CBFA2T3: variants seen among roughly 807,000 people sequenced by gnomAD.
CBFA2T3 encodes transcriptional corepressor CBFA2T3.
A neutral mutation model predicts 58.6 loss-of-function variants in CBFA2T3; 31 were observed. The ratio of observed to expected loss-of-function variants is 0.53; its 90% confidence interval spans 0.40 to 0.71. CBFA2T3 has a LOEUF of 0.71. CBFA2T3 is among the 30% of genes least tolerant of loss of function. The pLI, the probability that CBFA2T3 is intolerant of heterozygous loss-of-function variation, is 0.00. For synonymous variants in CBFA2T3, 531 were observed against 421.9 expected, an observed-to-expected ratio of 1.26 and a Z score of -3.17; for missense variants, 1,076 against 963.1, an observed-to-expected ratio of 1.12 and a Z score of -1.55.
At chr16:88,891,823 T>G (rs1597679094) in intron 5 of CBFA2T3, 59 bp downstream of exon 5, 1 of 1,182,146 alleles carries the variant, frequency 8.5e-7, no homozygotes, top group Non-Finnish European at 1.2e-6. Context: ...TGGCAAGGAG[T>G]GGGATTAAGG....
chr16:88,907,855 C>G (rs946949011), intron 1 of CBFA2T3, among the ~76,000 whole-genome samples: 18 of 152,264 alleles, frequency 1.2e-4, no homozygotes, highest in Non-Finnish European at 2.2e-4. Flanking sequence ...GCTCTGGACA[C>G]AGTGCGCCCC....
chr16:88,942,287 C>G (rs1218457809), intron 1 of CBFA2T3, among the ~76,000 whole-genome samples: 1 of 152,134 alleles, frequency 6.6e-6, no homozygotes, highest in Non-Finnish European at 1.5e-5. Context: ...TGTTTCCTGC[C>G]CCAACGCACA....
chr16:88,885,197 G>A lies in CBFA2T3; in HGVS notation c.966C>T (p.Asn322=), dbSNP rs1281566027. ...EHLSKRPCTL[N]PAQRYSPSNG... is the part of the protein sequence containing the mutation. ...TGCTGGGGCTGTAGCGCTGGGCAGG[G>A]TTCAGGGTGCATGGCCGTTTGCTGA... Residue 322 remains asparagine (N), a synonymous_variant, in exon 7 of 12, where the codon AAC becomes AAT. Coordinates refer to ENST00000268679, the MANE Select transcript of CBFA2T3 (RefSeq NM_005187.6). The surrounding 1 kb of genome is among the most constrained non-coding windows in gnomAD (Gnocchi z 5.3). 3 of 1,602,942 alleles carry A rather than the reference G, an allele frequency of 1.9e-6. No individual in the cohort carries two copies. The highest frequency in any genetic ancestry group is 1.7e-6 in the Non-Finnish European group (2 of 1,173,680).
At chr16:88,898,570 G>T (rs78455371) in intron 2 of CBFA2T3, among the ~76,000 whole-genome samples, 3,129 of 152,348 alleles carry the variant, frequency 0.021, 121 homozygotes, top group African/African-American at 0.072. Flanking sequence ...GGGGCCCCTT[G>T]TTTTCATCGT....
At chr16:88,881,165 G>A in intron 9 of CBFA2T3, 126 bp downstream of exon 9, 2 of 875,952 alleles carry the variant, frequency 2.3e-6, no homozygotes, top group South Asian at 1.4e-5. Context: ...AGTGAAAAAG[G>A]TGCCTCTTTC....
intron 1 of CBFA2T3, among the ~76,000 whole-genome samples, chr16:88,906,559 G>A (rs1342394664): frequency 6.6e-6 from 1 of 152,242 alleles, no homozygotes; most frequent in Non-Finnish European, 1.5e-5. Flanking sequence ...ATGGCCCTGA[G>A]GCAACCCCGG....
rs567200215 is a variant in CBFA2T3 at position 88,906,759 on chromosome 16, G to A, written c.152-5103C>T. 2.6e-5 allele frequency among the ~76,000 whole-genome samples: 4 copies of A among 152,300 alleles called. No homozygotes were observed. In the South Asian group the frequency reaches 6.2e-4, roughly 24 times the overall value. On this transcript the variant is annotated intron_variant, in intron 1 of 11. Transcript: ENST00000268679. The stretch of plus-strand genomic sequence containing the variant: ...ACGGGGAAACTGAGGCCCAGAGAGG[G>A]TGAGTGACTTGTTCTGGGTCTCAGA...
At position 88,874,890 on chromosome 16, in the gene CBFA2T3, C is replaced by T. The variant is rs1316476220; in HGVS notation, c.*2086G>A. ...TCTGTTTTTTATTTGGCAAACATCTCGTTTATTACCATCATGAATATCATT... is the reference window on the plus strand; with the variant it reads ...TCTGTTTTTTATTTGGCAAACATCTTGTTTATTACCATCATGAATATCATT... On this transcript the variant is annotated 3_prime_UTR_variant, in exon 12 of 12. Transcript: ENST00000268679. 8.6e-6 allele frequency: 2 copies of T among 231,782 alleles called. No individual in the cohort carries two copies. Among genetic ancestry groups the T allele is most frequent in the African/African-American group, 2.2e-5 (1 of 45,200 alleles). The allele number at this position is 231,782 out of a possible 1,614,324, so 14.4% of individuals were successfully genotyped here.
chr16:88,929,004 C>T (rs79640299), intron 1 of CBFA2T3, among the ~76,000 whole-genome samples: 1,986 of 152,226 alleles, frequency 0.013, 19 homozygotes, highest in African/African-American at 0.032. Flanking sequence ...TCTTGGAGGC[C>T]CCACGAGGAC....
intron 1 of CBFA2T3, among the ~76,000 whole-genome samples, chr16:88,934,242 C>T (rs377683980): frequency 1.2e-4 from 18 of 148,190 alleles, no homozygotes; most frequent in African/African-American, 4.4e-4. Flanking sequence ...TGCCCCTCGG[C>T]ACATGGAGGC....
chr16:88,875,181 G>A lies in CBFA2T3; in HGVS notation c.*1795C>T, dbSNP rs185051153. Reference sequence around the variant, plus strand: ...GATGCCAGGCCACGGGCCACACCACGCACACAGATGCCAAGCCACGGGCCA... The same window carrying A: ...GATGCCAGGCCACGGGCCACACCACACACACAGATGCCAAGCCACGGGCCA... On this transcript the variant is annotated 3_prime_UTR_variant, in exon 12 of 12. Coordinates refer to ENST00000268679, the MANE Select transcript of CBFA2T3 (RefSeq NM_005187.6). 1,700 of 234,726 alleles carry A rather than the reference G, an allele frequency of 7.2e-3. 30 individuals carry two copies. The highest frequency in any genetic ancestry group is 0.032 in the African/African-American group (1,455 of 45,220). The allele number at this position is 234,726 out of a possible 1,614,324, so 14.5% of individuals were successfully genotyped here.
chr16:88,880,581 C>T (rs1332831078), intron 10 of CBFA2T3, 139 bp downstream of exon 10: 1 of 714,868 alleles, frequency 1.4e-6, no homozygotes, highest in Non-Finnish European at 2.4e-6. Context: ...CCGTGAGCCA[C>T]ACAGCGGAAT....
At chr16:88,903,467 G>C (rs1305113562) in intron 1 of CBFA2T3, among the ~76,000 whole-genome samples, 1 of 152,182 alleles carries the variant, frequency 6.6e-6, no homozygotes, top group Non-Finnish European at 1.5e-5. Context: ...CACAGCCGCT[G>C]ACCTCCCTCG....
At position 88,919,273 on chromosome 16, in the gene CBFA2T3, G is replaced by T. The variant is rs186082755; in HGVS notation, c.152-17617C>A. Among the ~76,000 whole-genome samples the T allele has an allele frequency of 4.6e-3, 707 of 152,266 alleles. 2 individuals carry two copies. Among genetic ancestry groups the T allele is most frequent in the African/African-American group, 0.016 (680 of 41,518 alleles). On this transcript the variant is annotated intron_variant, in intron 1 of 11. Coordinates refer to ENST00000268679, the MANE Select transcript of CBFA2T3 (RefSeq NM_005187.6). ...TTCCAGCCAATGGAAACCGGACACA[G>T]CAGTAGGTATAAAAAAACCGGACAC...
intron 8 of CBFA2T3, 119 bp from the exon 9 acceptor site, chr16:88,881,608 T>A: frequency 1.9e-6 from 2 of 1,035,014 alleles, no homozygotes; most frequent in South Asian, 1.6e-5. Context: ...CCACCGCCCG[T>A]GAGAGTAAGG....
intron 1 of CBFA2T3, among the ~76,000 whole-genome samples, chr16:88,969,384 G>C (rs1301853701): frequency 6.6e-6 from 1 of 152,234 alleles, no homozygotes; most frequent in Non-Finnish European, 1.5e-5. Flanking sequence ...TCCTGGCCTT[G>C]GCAGGGGTGG....
chr16:88,897,907 C>G (rs958444479), intron 3 of CBFA2T3, among the ~76,000 whole-genome samples, 171 bp downstream of exon 3: 5 of 152,252 alleles, frequency 3.3e-5, no homozygotes, highest in Non-Finnish European at 5.9e-5. Flanking sequence ...GCTCTGCCCT[C>G]CTGCGCCCTC....
chr16:88,878,409 C>T (rs746059570), intron 11 of CBFA2T3, among the ~76,000 whole-genome samples: 13 of 152,236 alleles, frequency 8.5e-5, no homozygotes, highest in African/African-American at 2.7e-4. Flanking sequence ...GATAGAGATC[C>T]GCCCTATCTC....
intron 1 of CBFA2T3, among the ~76,000 whole-genome samples, chr16:88,917,436 G>A (rs900545376): frequency 3.9e-5 from 6 of 152,198 alleles, no homozygotes; most frequent in East Asian, 3.8e-4. Context: ...ACCCTCCCAC[G>A]TGCAGGGCCT....
Sources: allele counts gnomAD v4.1 joint callset (sites outside exome capture counted in the v4.1 genomes callset), GRCh38; gene constraint gnomAD v4.1.1; non-coding constraint Gnocchi (gnomAD v3.1); transcripts MANE v1.5; gene names NCBI Gene and HGNC (gene_info 2026-07-23, HGNC 2026-07-21).